SIM1: variants seen among roughly 807,000 people sequenced by gnomAD.
SIM1 encodes the protein single-minded homolog 1.
A neutral mutation model predicts 78.2 loss-of-function variants in SIM1; 18 were observed. That is an observed-to-expected ratio of 0.23 (90% CI 0.16 to 0.34). SIM1 has a LOEUF of 0.34. Among genes scored for constraint, SIM1 ranks in the 10% least tolerant of loss-of-function variants. SIM1 has a pLI of 1.00. For missense variants in SIM1, 939 were observed against 975.1 expected, an observed-to-expected ratio of 0.96 and a Z score of 0.49; for synonymous variants, 417 against 385.2, an observed-to-expected ratio of 1.08 and a Z score of -0.97.
chr6:100,406,706 C>A (rs1472162581), intron 10 of SIM1, among the ~76,000 whole-genome samples: 2 of 152,122 alleles, frequency 1.3e-5, no homozygotes, highest in Non-Finnish European at 2.9e-5. Flanking sequence ...GTATAATTGA[C>A]TACTAAATTG....
At chr6:100,394,021 A>G (rs765343258) in intron 10 of SIM1, 132 bp from the exon 11 acceptor site, 3 of 870,910 alleles carry the variant, frequency 3.4e-6, no homozygotes, top group Non-Finnish European at 5.0e-6. Context: ...GGTCGTCAAA[A>G]TAACCGTTGC....
At position 100,385,041 on chromosome 6, in the gene SIM1, C is replaced by T. The variant is rs1477594378; in HGVS notation, c.*5320G>A. On this transcript the variant is annotated 3_prime_UTR_variant, in exon 12 of 12. Transcript: ENST00000369208. Reference sequence around the variant, plus strand: ...GCATATTGGTAACTATATTTTAAACCAAAAAATTCCTCACATAATAAATAC... The same window carrying T: ...GCATATTGGTAACTATATTTTAAACTAAAAAATTCCTCACATAATAAATAC... 1 of 151,784 alleles carries T rather than the reference C, an allele frequency of 6.6e-6. No individual in the cohort carries two copies. The highest frequency in any genetic ancestry group is 1.5e-5 in the Non-Finnish European group (1 of 67,902). The allele number at this position is 151,784 out of a possible 1,614,324, so 9.4% of individuals were successfully genotyped here. A position where few individuals can be genotyped will look rare whatever the true frequency, so the allele number is the denominator to read the frequency against.
rs1195473463 is a variant in SIM1, at chr6:100,388,141, C to G, written c.*2220G>C. On this transcript the variant is annotated 3_prime_UTR_variant, in exon 12 of 12. Coordinates refer to ENST00000369208, the MANE Select transcript of SIM1 (RefSeq NM_005068.3). The stretch of plus-strand genomic sequence containing the variant: ...AATTTTCTCAAAATTACTAAATACT[C>G]TTTTTTGTATAATTCAAAACTTAGT... 1 of 152,096 alleles carries G rather than the reference C, an allele frequency of 6.6e-6. No homozygotes were observed. The allele number at this position is 152,096 out of a possible 1,614,324, so 9.4% of individuals were successfully genotyped here. A position where few individuals can be genotyped will look rare whatever the true frequency, so the allele number is the denominator to read the frequency against.
At chr6:100,426,549 T>C (rs1409515388) in intron 9 of SIM1, among the ~76,000 whole-genome samples, 1 of 152,172 alleles carries the variant, frequency 6.6e-6, no homozygotes, top group Non-Finnish European at 1.5e-5. Flanking sequence ...TTGTCAGTTC[T>C]AGAGAAATGC....
intron 11 of SIM1, among the ~76,000 whole-genome samples, chr6:100,392,042 C>A (rs1386084827): frequency 6.6e-6 from 1 of 152,120 alleles, no homozygotes; most frequent in Non-Finnish European, 1.5e-5. Flanking sequence ...GGCGTGGTGG[C>A]AGGCCCCTAT....
Position 100,453,851 on chromosome 6 carries a change from A to G in SIM1, c.176-7T>C. On this transcript the variant is annotated splice_region_variant and splice_polypyrimidine_tract_variant and intron_variant, in intron 2 of 11. Coordinates refer to ENST00000369208, the MANE Select transcript of SIM1 (RefSeq NM_005068.3). The stretch of plus-strand genomic sequence containing the variant: ...CCCCACGCCTCGCCGAGCCCTGTGG[A>G]GACACAGAAGCATCCTGTAGCCACT... 6.2e-7 allele frequency: 1 copy of G among 1,606,122 alleles called. No homozygotes were observed. The highest frequency in any genetic ancestry group is 1.1e-5 in the South Asian group (1 of 89,812).
At chr6:100,427,016 G>A (rs933272197) in intron 9 of SIM1, 2 of 152,236 alleles carry the variant, frequency 1.3e-5, no homozygotes, top group Non-Finnish European at 2.9e-5. Context: ...ATTAAACCGT[G>A]ATCGGATTAG....
chr6:100,463,144 G>C, intron 2 of SIM1, 150 bp downstream of exon 2: 1 of 626,710 alleles, frequency 1.6e-6, no homozygotes, highest in Non-Finnish European at 2.7e-6. Context: ...GTTCAGTGAG[G>C]ACCTTAGTGA....
rs12660758 is a variant in SIM1, at chr6:100,435,911, C to T, written c.998+11357G>A. ...GATAAACAGGGCCCACCCTGGGTAA[C>T]GTCCTTGAGAGAGTTAAAGTTGAAC... On this transcript the variant is annotated intron_variant, in intron 9 of 11. Transcript: ENST00000369208. 2.0e-5 allele frequency among the ~76,000 whole-genome samples: 3 copies of T among 152,074 alleles called. No homozygotes were observed. The East Asian group carries it at 5.8e-4, about 29-fold the overall frequency.
intron 10 of SIM1, among the ~76,000 whole-genome samples, chr6:100,404,206 C>A (rs1770998175): frequency 6.6e-6 from 1 of 152,162 alleles, no homozygotes; most frequent in South Asian, 2.1e-4. Flanking sequence ...CGTTAAGATT[C>A]ATTCCTGCTT....
intron 9 of SIM1, among the ~76,000 whole-genome samples, chr6:100,446,337 T>C (rs1435016014): frequency 6.6e-6 from 1 of 152,138 alleles, no homozygotes; most frequent in Non-Finnish European, 1.5e-5. Context: ...GTGCCTGGTG[T>C]GTCAACACTT....
Position 100,448,501 on chromosome 6 carries a change from T to G in SIM1, c.721A>C (p.Lys241Gln). 6.2e-7 allele frequency: 1 copy of G among 1,614,060 alleles called. No individual in the cohort carries two copies. Among genetic ancestry groups the G allele is most frequent in the Non-Finnish European group, 8.5e-7 (1 of 1,180,026 alleles). ...CACCTGGAGTCCAGAAAGATGAGCTTCATGTCCAGGCTGGCGCGGAACATA... is the reference window on the plus strand; with the variant it reads ...CACCTGGAGTCCAGAAAGATGAGCTGCATGTCCAGGCTGGCGCGGAACATA... ...MFMFRASLDM[K>Q]LIFLDSRVAE... Residue 241 changes from lysine to glutamine, a missense_variant, in exon 7 of 12, where the codon AAG becomes CAG. This residue lies in a region of SIM1 where 187 missense variants were observed against 191.6 expected (regional missense o/e 0.98). Transcript: ENST00000369208.
chr6:100,421,068 G>A (rs1013298649), intron 9 of SIM1, 110 bp from the exon 10 acceptor site: 4 of 1,166,614 alleles, frequency 3.4e-6, no homozygotes, highest in Non-Finnish European at 4.8e-6. Context: ...GCAAGCAAAA[G>A]TTAGCCCTAT....
chr6:100,446,416 A>G lies in SIM1; in HGVS notation c.998+852T>C, dbSNP rs904093680. 3.9e-5 allele frequency among the ~76,000 whole-genome samples: 6 copies of G among 152,196 alleles called. No homozygotes were observed. In the South Asian group the frequency reaches 8.3e-4, roughly 21 times the overall value. On this transcript the variant is annotated intron_variant, in intron 9 of 11. Coordinates refer to ENST00000369208, the MANE Select transcript of SIM1 (RefSeq NM_005068.3). The stretch of plus-strand genomic sequence containing the variant: ...AAGAATTTCAACCTCTACCAAAAAA[A>G]GCGTGGGGAGAGCGCAACAGCACAC...
intron 11 of SIM1, among the ~76,000 whole-genome samples, chr6:100,391,716 A>C (rs1298060376): frequency 6.6e-6 from 1 of 152,242 alleles, no homozygotes; most frequent in Non-Finnish European, 1.5e-5. Context: ...ATCTATTCAC[A>C]TAGATATATA....
At chr6:100,464,443 C>T (rs1364328101) in intron 1 of SIM1, among the ~76,000 whole-genome samples, 171 bp downstream of exon 1, 4 of 152,184 alleles carry the variant, frequency 2.6e-5, no homozygotes, top group African/African-American at 7.2e-5. Flanking sequence ...CTCTGGCTGC[C>T]CAGCAGGGGC....
intron 9 of SIM1, among the ~76,000 whole-genome samples, chr6:100,431,093 T>G (rs6914867): frequency 0.017 from 2,573 of 152,208 alleles, 78 homozygotes; most frequent in African/African-American, 0.059. Flanking sequence ...TTCTGTAGAT[T>G]ATAGAAAAAT....
chr6:100,452,498 T>C (rs1052472218), intron 3 of SIM1, among the ~76,000 whole-genome samples: 5 of 152,052 alleles, frequency 3.3e-5, no homozygotes, highest in African/African-American at 1.2e-4. Context: ...GTGAAGAGCA[T>C]GATGGGTGGG....
At chr6:100,392,901 T>C (rs748005455) in intron 11 of SIM1, among the ~76,000 whole-genome samples, 10 of 152,244 alleles carry the variant, frequency 6.6e-5, no homozygotes, top group Non-Finnish European at 1.2e-4. Flanking sequence ...AGCCATGTAA[T>C]TATCCCAAGG....
Sources: allele counts gnomAD v4.1 joint callset (sites outside exome capture counted in the v4.1 genomes callset), GRCh38; gene constraint gnomAD v4.1.1; regional missense constraint gnomAD v4.1.1; transcripts MANE v1.5; gene names NCBI Gene and HGNC (gene_info 2026-07-23, HGNC 2026-07-21).